Variants in SYT16 observed in about 807,000 individuals in gnomAD.
The protein encoded by SYT16 is synaptotagmin-16.
SYT16 carries 42 observed loss-of-function variants against 61.4 expected under a neutral mutation model. That is an observed-to-expected ratio of 0.68 (90% CI 0.53 to 0.89). SYT16 has a LOEUF of 0.89. SYT16 is among the 40% of genes least tolerant of loss of function. The probability of loss-of-function intolerance (pLI) is 0.00; values close to 1 mark genes in which losing one functional copy is unlikely to be tolerated. For missense variants in SYT16, 804 were observed against 807.3 expected (o/e 1.00, Z 0.05); for synonymous variants, 314 against 302.3 (o/e 1.04, Z -0.40).
chr14:62,070,080 T>G (rs1271438917), intron 4 of SYT16, among the ~76,000 whole-genome samples: 1 of 152,216 alleles, frequency 6.6e-6, no homozygotes, highest in Non-Finnish European at 1.5e-5. Flanking sequence ...TATTGGCCAC[T>G]TCTTCCTAAA....
chr14:61,994,495 T>C (rs1183472359), intron 2 of SYT16, among the ~76,000 whole-genome samples: 1 of 152,026 alleles, frequency 6.6e-6, no homozygotes, highest in Admixed American at 6.6e-5. Context: ...GAAAGAAAAA[T>C]TGAGCAAAGG....
intron 1 of SYT16, among the ~76,000 whole-genome samples, chr14:61,857,629 A>G (rs531834803): frequency 1.3e-5 from 2 of 152,300 alleles, no homozygotes; most frequent in South Asian, 2.1e-4. Flanking sequence ...CTGGAGGGGA[A>G]GTGGGAGCAA....
At chr14:61,924,029 T>C (rs1443555241) in intron 1 of SYT16, among the ~76,000 whole-genome samples, 1 of 152,176 alleles carries the variant, frequency 6.6e-6, no homozygotes, top group Non-Finnish European at 1.5e-5. Context: ...AAGATTACTA[T>C]CTATGCTGAA....
chr14:62,023,436 T>G (rs1024295624), intron 3 of SYT16, among the ~76,000 whole-genome samples: 1 of 152,162 alleles, frequency 6.6e-6, no homozygotes, highest in Non-Finnish European at 1.5e-5. Context: ...AGCTGCCAGC[T>G]TAGGAATTGG....
At chr14:61,860,624 A>C (rs1484982729) in intron 1 of SYT16, among the ~76,000 whole-genome samples, 1 of 152,198 alleles carries the variant, frequency 6.6e-6, no homozygotes, top group Admixed American at 6.5e-5. Flanking sequence ...TCTATAATAG[A>C]TTGGAAATAA....
intron 3 of SYT16, among the ~76,000 whole-genome samples, chr14:62,010,847 T>C (rs2053419338): frequency 6.6e-6 from 1 of 152,152 alleles, no homozygotes; most frequent in Admixed American, 6.5e-5. Flanking sequence ...TTTCTGGGAC[T>C]ACTTGGTTTT....
chr14:61,951,982 T>A lies in SYT16; in HGVS notation c.-324-18150T>A, dbSNP rs115496856. On this transcript the variant is annotated intron_variant, in intron 1 of 7. Coordinates refer to ENST00000683842, the MANE Select transcript of SYT16 (RefSeq NM_001367656.1). ...TTTTTGTATTTTCAGTAGAGACAGG[T>A]TTCGCCATGTTGCCCAGGCTGGTTT... 7.7e-3 allele frequency among the ~76,000 whole-genome samples: 1,175 copies of A among 152,064 alleles called. 18 individuals carry two copies. The highest frequency in any genetic ancestry group is 0.027 in the African/African-American group (1,123 of 41,474).
chr14:61,962,775 G>C (rs2051165480), intron 1 of SYT16, among the ~76,000 whole-genome samples: 1 of 151,944 alleles, frequency 6.6e-6, no homozygotes, highest in African/African-American at 2.4e-5. Context: ...TTCTGCTTGA[G>C]TAAGTTGAAG....
chr14:61,877,250 G>T (rs1413809667), intron 1 of SYT16, among the ~76,000 whole-genome samples: 1 of 152,098 alleles, frequency 6.6e-6, no homozygotes, highest in Non-Finnish European at 1.5e-5. Context: ...GCATGTGATG[G>T]TTTGACATCT....
Position 62,069,652 on chromosome 14 carries a change from C to T in SYT16, c.573C>T (p.Asp191=), listed in dbSNP as rs370611380. ...DEELSTSSDS[D]EEVIKQFEIS... ...AGCTGTCCACATCTTCTGACAGTGACGAGGAGGTGATCAAACAATTTGAGA... is the reference window on the plus strand; with the variant it reads ...AGCTGTCCACATCTTCTGACAGTGATGAGGAGGTGATCAAACAATTTGAGA... Residue 191 remains aspartate (D), a synonymous_variant, in exon 4 of 8, where the codon GAC becomes GAT. Transcript: ENST00000683842. The T allele has an allele frequency of 1.5e-5, 25 of 1,613,782 alleles. No individual in the cohort carries two copies. Among genetic ancestry groups the T allele is most frequent in the Middle Eastern group, 1.6e-4 (1 of 6,084 alleles).
intron 3 of SYT16, among the ~76,000 whole-genome samples, chr14:62,054,522 A>G (rs564044440): frequency 2.0e-3 from 302 of 152,054 alleles, no homozygotes; most frequent in African/African-American, 6.8e-3. Flanking sequence ...CACCACGCTC[A>G]GCTAATTTTT....
At chr14:62,075,494 GA>G in intron 5 of SYT16, 103 bp downstream of exon 5, 1 of 1,292,612 alleles carries the variant, frequency 7.7e-7, no homozygotes, top group Non-Finnish European at 1.0e-6. Context: ...TTCCAGAAAG[GA>G]AGCATTACTT....
chr14:62,074,484 C>G (rs1028854764), intron 4 of SYT16, among the ~76,000 whole-genome samples: 14 of 152,178 alleles, frequency 9.2e-5, no homozygotes, highest in Non-Finnish European at 1.8e-4. Flanking sequence ...GGTAAGCAAG[C>G]CTAATATTTA....
chr14:62,044,877 C>T (rs1230756456), intron 3 of SYT16, among the ~76,000 whole-genome samples: 4 of 152,110 alleles, frequency 2.6e-5, no homozygotes, highest in African/African-American at 4.8e-5. Context: ...CAGTGGCTCA[C>T]GCCTGTAATT....
At chr14:61,961,655 T>G (rs1312361624) in intron 1 of SYT16, among the ~76,000 whole-genome samples, 1 of 152,212 alleles carries the variant, frequency 6.6e-6, no homozygotes, top group Admixed American at 6.5e-5. Context: ...TGAACACTTA[T>G]ACACTGCTGG....
chr14:61,876,855 G>A (rs1195259316), intron 1 of SYT16, among the ~76,000 whole-genome samples: 1 of 152,212 alleles, frequency 6.6e-6, no homozygotes, highest in East Asian at 1.9e-4. Flanking sequence ...CTGAGCTAGG[G>A]TGGGAAATCA....
chr14:61,954,000 CTG>C (rs1380914570), intron 1 of SYT16, among the ~76,000 whole-genome samples: 3 of 152,118 alleles, frequency 2.0e-5, no homozygotes, highest in Non-Finnish European at 2.9e-5. Flanking sequence ...ATGAGTGAAA[CTG>C]AGGTTATTTC....
chr14:62,048,331 G>A (rs188528490), intron 3 of SYT16, among the ~76,000 whole-genome samples: 202 of 152,112 alleles, frequency 1.3e-3, no homozygotes, highest in African/African-American at 4.7e-3. Flanking sequence ...TATCCCCTTT[G>A]TCATTTTTTA....
intron 1 of SYT16, chr14:61,832,344 A>G (rs2045965702): frequency 3.5e-6 from 2 of 574,796 alleles, no homozygotes; most frequent in Admixed American, 1.9e-5. Flanking sequence ...CTTGCCAACT[A>G]GGCTAACTAC....
Sources: allele counts gnomAD v4.1 joint callset (sites outside exome capture counted in the v4.1 genomes callset), GRCh38; gene constraint gnomAD v4.1.1; transcripts MANE v1.5; gene names NCBI Gene and HGNC (gene_info 2026-07-23, HGNC 2026-07-21).